TOGARAM2: variants seen among roughly 807,000 people sequenced by gnomAD.
TOGARAM2 encodes TOG array regulator of axonemal microtubules protein 2.
TOGARAM2 carries 85 observed loss-of-function variants against 93.3 expected under a neutral mutation model. The observed-to-expected ratio is 0.91, with a 90% CI of 0.76 to 1.09. The LOEUF is 1.09. Ranked by LOEUF, TOGARAM2 falls within the 50% of genes least tolerant of loss-of-function variation. The pLI, the probability that TOGARAM2 is intolerant of heterozygous loss-of-function variation, is 0.00. For missense variants in TOGARAM2, 1,277 were observed against 1,334.5 expected (o/e 0.96, Z 0.67); for synonymous variants, 593 against 552.8 (o/e 1.07, Z -1.02).
intron 16 of TOGARAM2, 95 bp from the exon 17 acceptor site, chr2:29,035,369 C>A: frequency 8.8e-7 from 1 of 1,135,598 alleles, no homozygotes; most frequent in Non-Finnish European, 1.1e-6. Context: ...CTTGTCTCTG[C>A]CCCACCTGCC....
chr2:29,045,471 T>TGTG (rs1161727623), intron 19 of TOGARAM2, 61 bp downstream of exon 19: 1 of 1,375,624 alleles, frequency 7.3e-7, no homozygotes, highest in South Asian at 1.2e-5. Context: ...TCTCCTGGTC[T>TGTG]GTGGTTGAAC....
At chr2:29,004,949 T>TGG (rs1553338698) in intron 6 of TOGARAM2, among the ~76,000 whole-genome samples, 1 of 136,162 alleles carries the variant, frequency 7.3e-6, no homozygotes, top group African/African-American at 3.1e-5. Context: ...TGTGCATGTG[T>TGG]GTGCATGTGT....
intron 8 of TOGARAM2, among the ~76,000 whole-genome samples, chr2:29,015,159 T>C (rs965398829): frequency 1.3e-5 from 2 of 151,806 alleles, no homozygotes; most frequent in Non-Finnish European, 2.9e-5. Context: ...CTTGAAGGCC[T>C]CCTGGGTGCA....
chr2:28,997,166 T>C (rs1247796947), intron 2 of TOGARAM2, among the ~76,000 whole-genome samples: 1 of 151,888 alleles, frequency 6.6e-6, no homozygotes, highest in African/African-American at 2.4e-5. Flanking sequence ...GTCAATAGAG[T>C]GAAGAATAGG....
intron 14 of TOGARAM2, among the ~76,000 whole-genome samples, chr2:29,029,659 G>A (rs1665635440): frequency 1.3e-5 from 2 of 148,818 alleles, no homozygotes; most frequent in East Asian, 1.9e-4. Context: ...AGGAGGCTGA[G>A]GCAGGAGAAT....
At chr2:29,011,433 T>A in intron 6 of TOGARAM2, 22 bp from the exon 7 acceptor site, 1 of 1,609,552 alleles carries the variant, frequency 6.2e-7, no homozygotes, top group Non-Finnish European at 8.5e-7. Flanking sequence ...CATGATGCTT[T>A]TCTCTCCCCC....
chr2:28,969,842 C>T (rs12621147), intron 1 of TOGARAM2, among the ~76,000 whole-genome samples: 18,854 of 109,638 alleles, frequency 0.17, 1,830 homozygotes, highest in East Asian at 0.61. Flanking sequence ...GACGGAGTTT[C>T]GCTCTTATTG....
chr2:28,976,264 A>T (rs548924330), intron 1 of TOGARAM2, among the ~76,000 whole-genome samples: 4 of 152,228 alleles, frequency 2.6e-5, no homozygotes, highest in African/African-American at 7.2e-5. Context: ...CCAGCTACTC[A>T]GGAGGCTGAG....
rs1558406606 is a variant in TOGARAM2, at chr2:28,991,033, TG to T, written c.-110-3691del. Among the ~76,000 whole-genome samples the T allele has an allele frequency of 6.5e-4, 87 of 134,762 alleles. No homozygotes were observed. The East Asian group carries it at 7.8e-3, about 12-fold the overall frequency. 88.4% of individuals were successfully genotyped at this position (134,762 alleles called of 152,430 possible). ...GTGTGTGTGTGTGTGTGTGTGTGTGTGTGTGTGGCTTTTCCCCAGGGAAAAA... is the reference window on the plus strand; with the variant it reads ...GTGTGTGTGTGTGTGTGTGTGTGTGTTGTGTGGCTTTTCCCCAGGGAAAAA... On this transcript the variant is annotated intron_variant, in intron 1 of 19. Transcript: ENST00000379558.
chr2:28,982,720 C>T (rs1672259966), intron 1 of TOGARAM2, among the ~76,000 whole-genome samples: 1 of 152,222 alleles, frequency 6.6e-6, no homozygotes, highest in Non-Finnish European at 1.5e-5. Flanking sequence ...CCAGACTCTG[C>T]TCACTAGCAC....
intron 17 of TOGARAM2, 97 bp downstream of exon 17, chr2:29,035,753 C>A: frequency 1.7e-6 from 2 of 1,189,512 alleles, no homozygotes; most frequent in Non-Finnish European, 1.1e-6. Context: ...ATGTGTCAGA[C>A]CCCTTGCTAT....
At chr2:29,009,643 G>C (rs193205577) in intron 6 of TOGARAM2, among the ~76,000 whole-genome samples, 1 of 152,244 alleles carries the variant, frequency 6.6e-6, no homozygotes, top group East Asian at 1.9e-4. Context: ...ACAGATACTG[G>C]CACCCTTCTT....
rs1271075095 is a variant in TOGARAM2, at chr2:29,032,957, AT to A, written c.2037del (p.Asn679LysfsTer3). 11 of 1,613,870 alleles carry A rather than the reference AT, an allele frequency of 6.8e-6. No individual in the cohort carries two copies. Among genetic ancestry groups the A allele is most frequent in the Non-Finnish European group, 9.3e-6 (11 of 1,179,854 alleles). Reference sequence around the variant, plus strand: ...AGATTTTATGGCCGGAAGATGGTGAATATCTTGATGGCGAACACTAAGTTTG... The same window carrying A: ...AGATTTTATGGCCGGAAGATGGTGAAATCTTGATGGCGAACACTAAGTTTG... ...DTRFYGRKMV[N>X]ILMANTKFDA... On this transcript the variant is annotated frameshift_variant, in exon 15 of 20. Transcript: ENST00000379558. LOFTEE classifies it high-confidence loss of function.
chr2:29,042,495 G>T (rs2148391494), intron 18 of TOGARAM2, among the ~76,000 whole-genome samples: 1 of 152,344 alleles, frequency 6.6e-6, no homozygotes, highest in East Asian at 1.9e-4. Flanking sequence ...TCAGGTTCCA[G>T]CTCATGCTGA....
At chr2:29,017,075 G>A in intron 8 of TOGARAM2, 79 bp from the exon 9 acceptor site, 2 of 1,548,402 alleles carry the variant, frequency 1.3e-6, no homozygotes, top group Middle Eastern at 1.7e-4. Context: ...TTGGCACACA[G>A]TAGAAACATT....
At chr2:29,015,834 C>T (rs1664533910) in intron 8 of TOGARAM2, among the ~76,000 whole-genome samples, 1 of 152,126 alleles carries the variant, frequency 6.6e-6, no homozygotes, top group African/African-American at 2.4e-5. Context: ...GCTGCCTCCT[C>T]CTCATCTCCC....
chr2:29,023,285 G>C (rs561176057), intron 12 of TOGARAM2, 94 bp downstream of exon 12: 5 of 1,009,982 alleles, frequency 5.0e-6, no homozygotes, highest in South Asian at 3.1e-5. Context: ...TGGCTTCAGG[G>C]ACATGGGGAT....
chr2:29,022,407 G>C, intron 11 of TOGARAM2, 99 bp downstream of exon 11: 1 of 1,509,374 alleles, frequency 6.6e-7, no homozygotes. Context: ...CCCACTCTGG[G>C]GTTCCAGCAC....
upstream of TOGARAM2, among the ~76,000 whole-genome samples, chr2:28,976,453 A>C (rs192738379): frequency 9.2e-5 from 14 of 151,510 alleles, no homozygotes; most frequent in Admixed American, 2.0e-4. Context: ...TCACCTATTA[A>C]CTCCTCCCCT....
Sources: gnomAD v4.1 joint callset for allele counts (sites outside exome capture counted in the v4.1 genomes callset) on GRCh38, gnomAD v4.1.1 for gene constraint, MANE v1.5 for transcripts, NCBI Gene and HGNC (gene_info 2026-07-23, HGNC 2026-07-21) for gene names.